The following TMC3 variants were observed in gnomAD, a reference collection of about 807,000 sequenced individuals.
The protein encoded by TMC3 is transmembrane channel like 3, also known as transmembrane channel-like protein 3.
TMC3 carries 98 observed loss-of-function variants against 110.6 expected under a neutral mutation model. That is an observed-to-expected ratio of 0.89 (90% CI 0.75 to 1.05). The LOEUF (loss-of-function observed/expected upper bound fraction) is 1.05, where lower values mean the gene tolerates loss of function less well. TMC3 is among the 50% of genes least tolerant of loss of function. The pLI, the probability that TMC3 is intolerant of heterozygous loss-of-function variation, is 0.00. For synonymous variants in TMC3, 489 were observed against 513.1 expected, an observed-to-expected ratio of 0.95 and a Z score of 0.63; for missense variants, 1,319 against 1,373.2, an observed-to-expected ratio of 0.96 and a Z score of 0.62.
At chr15:81,343,803 T>C in intron 14 of TMC3, 114 bp downstream of exon 14, 1 of 1,178,980 alleles carries the variant, frequency 8.5e-7, no homozygotes, top group Non-Finnish European at 1.2e-6. Context: ...TTCCCACTTG[T>C]ATTCTCTTTC....
intron 15 of TMC3, among the ~76,000 whole-genome samples, chr15:81,342,285 A>G (rs1893731287): frequency 6.6e-6 from 1 of 152,248 alleles, no homozygotes; most frequent in South Asian, 2.1e-4. Context: ...GAAAATAAAC[A>G]TGGACATAAG....
intron 3 of TMC3, 28 bp from the exon 4 acceptor site, chr15:81,362,329 G>C: frequency 3.8e-6 from 6 of 1,586,514 alleles, no homozygotes; most frequent in Non-Finnish European, 5.2e-6. Flanking sequence ...GGATTAGAGA[G>C]GTCACGTACA....
chr15:81,359,491 T>C lies in TMC3; in HGVS notation c.395-20A>G, dbSNP rs1398716866. The C allele has an allele frequency of 1.3e-6, 2 of 1,492,522 alleles. No homozygotes were observed. Among genetic ancestry groups the C allele is most frequent in the Admixed American group, 4.7e-5 (2 of 42,894 alleles). The allele number at this position is 1,492,522 out of a possible 1,614,324, so 92.5% of individuals were successfully genotyped here. A position where few individuals can be genotyped will look rare whatever the true frequency, so the allele number is the denominator to read the frequency against. ...AATGACCTAAAGAAAGACAAGATAA[T>C]GAGAACAGTTTAAATAAAATCCTCA... On this transcript the variant is annotated intron_variant, in intron 4 of 21. Coordinates refer to ENST00000359440, the MANE Select transcript of TMC3 (RefSeq NM_001080532.3).
rs985339916 is a variant in TMC3, at chr15:81,359,377, A to C, written c.489T>G (p.Ile163Met). The change falls in exon 5 of 22, where the codon ATT becomes ATG. Residue 163 changes from isoleucine (I) to methionine (M), a missense_variant. Physicochemically the swap from Ile to Met is conservative, Grantham distance 10 (BLOSUM62 1). Coordinates refer to ENST00000359440, the MANE Select transcript of TMC3 (RefSeq NM_001080532.3). ...IVLTIMTGAF[I>M]VIPELIAGQP... ...TGAAACATCTTACCTCTGGAATGACAATAAAAGCACCTGTCATAATGGTGA... is the reference window on the plus strand; with the variant it reads ...TGAAACATCTTACCTCTGGAATGACCATAAAAGCACCTGTCATAATGGTGA... 5.6e-6 allele frequency: 9 copies of C among 1,602,296 alleles called. No homozygotes were observed. The highest frequency in any genetic ancestry group is 6.0e-6 in the Non-Finnish European group (7 of 1,175,324).
intron 11 of TMC3, among the ~76,000 whole-genome samples, 169 bp downstream of exon 11, chr15:81,349,289 A>G (rs533623670): frequency 2.7e-5 from 4 of 150,232 alleles, no homozygotes; most frequent in East Asian, 2.0e-4. Flanking sequence ...CTCCTCCCCT[A>G]TCCCTCCTCT....
At position 81,341,497 on chromosome 15, in the gene TMC3, T is replaced by TG. The variant is rs1384203071; in HGVS notation, c.1736dup (p.Cys580MetfsTer80). 1 of 1,610,632 alleles carries TG rather than the reference T, an allele frequency of 6.2e-7. No homozygotes were observed. The highest frequency in any genetic ancestry group is 2.2e-5 in the East Asian group (1 of 44,810). On this transcript the variant is annotated frameshift_variant, in exon 16 of 22. Coordinates refer to ENST00000359440, the MANE Select transcript of TMC3 (RefSeq NM_001080532.3). LOFTEE classifies it high-confidence loss of function. ...TGAGAACGTTGAACGCTGGGAGACATGGGGAGAAGAAGGCCCCCATCCTGG... is the reference window on the plus strand; with the variant it reads ...TGAGAACGTTGAACGCTGGGAGACATGGGGGAGAAGAAGGCCCCCATCCTGG...
At chr15:81,355,493 G>T (rs531679596) in intron 9 of TMC3, among the ~76,000 whole-genome samples, 5 of 152,190 alleles carry the variant, frequency 3.3e-5, no homozygotes, top group African/African-American at 1.2e-4. Flanking sequence ...ATAAGAAACT[G>T]GTCAATTTCA....
At position 81,333,230 on chromosome 15, in the gene TMC3, TCAC is replaced by T. The variant is rs1893514227; in HGVS notation, c.2489_2491del (p.Ser830_Asp831delinsAsn). 6.2e-7 allele frequency: 1 copy of T among 1,613,000 alleles called. No homozygotes were observed. Among genetic ancestry groups the T allele is most frequent in the Non-Finnish European group, 8.5e-7 (1 of 1,179,332 alleles). Reference sequence around the variant, plus strand: ...TGTGCGCGATCTGTTCCTGTGAAGGTCACTGGTGCTTGCACACAGACCGTGCAG... The same window carrying T: ...TGTGCGCGATCTGTTCCTGTGAAGGTTGGTGCTTGCACACAGACCGTGCAG... On this transcript the variant is annotated inframe_deletion, in exon 22 of 22. Transcript: ENST00000359440.
At chr15:81,371,013 A>G (rs902732290) in intron 2 of TMC3, among the ~76,000 whole-genome samples, 8 of 152,194 alleles carry the variant, frequency 5.3e-5, no homozygotes, top group South Asian at 2.1e-4. Context: ...AATTGCTCCA[A>G]TGATTACTTT....
intron 1 of TMC3, 48 bp downstream of exon 1, chr15:81,373,938 TTCC>T (rs1226701047): frequency 1.3e-6 from 2 of 1,562,962 alleles, no homozygotes; most frequent in East Asian, 4.5e-5. Context: ...CATGCATTCC[TTCC>T]TCACACACCT....
Position 81,372,695 on chromosome 15 carries a change from G to T in TMC3, c.132C>A (p.Ser44Arg), listed in dbSNP as rs201306245. The change falls in exon 2 of 22, where the codon AGC (serine) becomes AGA (arginine). Residue 44 changes from serine to arginine, a missense_variant. Transcript: ENST00000359440. ...DSFSADETGD[S>R]NDPEQIFQNI... ...TCTGGAAGATTTGTTCCGGATCATTGCTGTCCCCTGTTTCATCAGCACTAA... is the reference window on the plus strand; with the variant it reads ...TCTGGAAGATTTGTTCCGGATCATTTCTGTCCCCTGTTTCATCAGCACTAA... The T allele has an allele frequency of 2.5e-6, 4 of 1,613,852 alleles. No individual in the cohort carries two copies. In the African/African-American group the frequency reaches 5.3e-5, roughly 22 times the overall value.
rs772558920 is a variant in TMC3, at chr15:81,333,002, CT to C, written c.2719del (p.Arg907AspfsTer5). On this transcript the variant is annotated frameshift_variant, in exon 22 of 22. Coordinates refer to ENST00000359440, the MANE Select transcript of TMC3 (RefSeq NM_001080532.3). LOFTEE classifies it low-confidence loss of function (END_TRUNC). ...ACCTGAAGCATCTATCTTGAAATGT[CT>C]TTCTGGCCAGACATTTAGATGTTTT... is the stretch of plus-strand genomic sequence containing the variant. ...KKKHLNVWPERHFKIDASGDI... is the reference protein window; with the variant it reads ...KKKHLNVWPEXHFKIDASGDI... The C allele has an allele frequency of 6.2e-7, 1 of 1,613,744 alleles. No homozygotes were observed. Among genetic ancestry groups the C allele is most frequent in the Admixed American group, 1.7e-5 (1 of 59,992 alleles).
chr15:81,354,898 G>A (rs1293642164), intron 9 of TMC3, among the ~76,000 whole-genome samples: 1 of 152,026 alleles, frequency 6.6e-6, no homozygotes, highest in Admixed American at 6.6e-5. Flanking sequence ...GTGGAGGAGA[G>A]CTACAGAAAA....
chr15:81,332,324 C>T lies in TMC3; in HGVS notation c.*95G>A. 3 of 1,459,138 alleles carry T rather than the reference C, an allele frequency of 2.1e-6. No homozygotes were observed. Among genetic ancestry groups the T allele is most frequent in the Non-Finnish European group, 2.7e-6 (3 of 1,102,684 alleles). 90.4% of individuals were successfully genotyped at this position (1,459,138 alleles called of 1,614,324 possible). ...CCATGCCCCTCAGGTCTCTAACACA[C>T]TTGTTCACCTCTTTTTCCAGAAAGG... On this transcript the variant is annotated 3_prime_UTR_variant, in exon 22 of 22. Transcript: ENST00000359440.
chr15:81,373,627 T>C (rs368099703), intron 1 of TMC3, among the ~76,000 whole-genome samples: 1 of 152,194 alleles, frequency 6.6e-6, no homozygotes, highest in African/African-American at 2.4e-5. Flanking sequence ...GCTTTTCCAA[T>C]AAACACTTTA....
intron 3 of TMC3, among the ~76,000 whole-genome samples, chr15:81,367,997 T>C (rs1894352362): frequency 6.6e-6 from 1 of 152,122 alleles, no homozygotes. Flanking sequence ...TGCAGTGGCG[T>C]GATCTCGGCT....
In TMC3 at chr15:81,341,373, A is replaced by G; in HGVS notation, c.1844+17T>C. ...TATATATAGTTATCTGCATGATCAG[A>G]TCTTATTCTTACTCACCTTGAGGCT... On this transcript the variant is annotated intron_variant, in intron 16 of 21. Transcript: ENST00000359440. The G allele has an allele frequency of 6.2e-7, 1 of 1,603,558 alleles. No individual in the cohort carries two copies. Among genetic ancestry groups the G allele is most frequent in the African/African-American group, 1.3e-5 (1 of 74,726 alleles).
chr15:81,362,177 T>C, intron 4 of TMC3, 43 bp downstream of exon 4: 1 of 1,527,184 alleles, frequency 6.5e-7, no homozygotes, highest in Non-Finnish European at 8.9e-7. Flanking sequence ...GACTGGCCAC[T>C]AGCATTGCAT....
In TMC3 at chr15:81,345,419, A is replaced by T. The variant is rs540007457; in HGVS notation, c.1273-408T>A. Among the ~76,000 whole-genome samples the T allele has an allele frequency of 4.6e-5, 7 of 152,208 alleles. No homozygotes were observed. The East Asian group carries it at 1.2e-3, about 25-fold the overall frequency. On this transcript the variant is annotated intron_variant, in intron 12 of 21. Transcript: ENST00000359440. The stretch of plus-strand genomic sequence containing the variant: ...AGGTCTATGTAACCTCAAAGCCCCA[A>T]TGCAGAAAAATGATTCTCTGTGGCC...
Sources: gnomAD v4.1 joint callset for allele counts (sites outside exome capture counted in the v4.1 genomes callset) on GRCh38, gnomAD v4.1.1 for gene constraint, MANE v1.5 for transcripts, NCBI Gene and HGNC (gene_info 2026-07-23, HGNC 2026-07-21) for gene names.